ZNF704: variants seen among roughly 807,000 people sequenced by gnomAD.
ZNF704 encodes glucocorticoid induced gene 1.
In ZNF704, 10 loss-of-function variants were observed where a neutral mutation model predicts 44.7. The observed-to-expected ratio is 0.22, with a 90% CI of 0.14 to 0.38. The LOEUF (loss-of-function observed/expected upper bound fraction) is 0.38, where lower values mean the gene tolerates loss of function less well. Among genes scored for constraint, ZNF704 ranks in the 10% least tolerant of loss-of-function variants. ZNF704 has a pLI of 1.00. For missense variants in ZNF704, 390 were observed against 545.5 expected (o/e 0.71, Z 2.84); for synonymous variants, 211 against 207.6 (o/e 1.02, Z -0.14).
intron 1 of ZNF704, among the ~76,000 whole-genome samples, chr8:80,855,462 G>A (rs559068134): frequency 5.8e-4 from 89 of 152,222 alleles, no homozygotes; most frequent in Non-Finnish European, 1.1e-3. Context: ...AAAAGAATGA[G>A]ATCCTGTTTC....
chr8:80,870,904 A>G (rs1809240782), intron 1 of ZNF704, among the ~76,000 whole-genome samples: 1 of 152,188 alleles, frequency 6.6e-6, no homozygotes, highest in African/African-American at 2.4e-5. Context: ...TCACATGCAC[A>G]AAACAGAAAA....
At chr8:80,680,933 T>A (rs1818443125) in intron 4 of ZNF704, among the ~76,000 whole-genome samples, 1 of 152,202 alleles carries the variant, frequency 6.6e-6, no homozygotes, top group African/African-American at 2.4e-5. Flanking sequence ...GTATACAAAA[T>A]TAACAAAACA....
chr8:80,764,162 A>G (rs1398792465), intron 2 of ZNF704, among the ~76,000 whole-genome samples: 1 of 152,118 alleles, frequency 6.6e-6, no homozygotes, highest in Non-Finnish European at 1.5e-5. Flanking sequence ...TAGTGGCAGT[A>G]CCCCACTCTC....
chr8:80,842,393 T>C (rs1458702542), intron 1 of ZNF704, among the ~76,000 whole-genome samples: 2 of 152,238 alleles, frequency 1.3e-5, no homozygotes, highest in Non-Finnish European at 2.9e-5. Context: ...TGAGAATTAG[T>C]CTGCAAGACT....
At chr8:80,707,235 T>C (rs964790141) in intron 2 of ZNF704, among the ~76,000 whole-genome samples, 5 of 152,238 alleles carry the variant, frequency 3.3e-5, no homozygotes, top group African/African-American at 1.2e-4. Context: ...TTGTTTTTAA[T>C]TTAAGACAAA....
intron 2 of ZNF704, among the ~76,000 whole-genome samples, chr8:80,740,700 C>T (rs185910503): frequency 5.3e-4 from 81 of 152,324 alleles, no homozygotes; most frequent in African/African-American, 1.8e-3. Context: ...CCTTTTTCTG[C>T]ATCCCTGTAC....
chr8:80,840,320 T>C (rs1808656080), intron 1 of ZNF704, among the ~76,000 whole-genome samples: 1 of 152,168 alleles, frequency 6.6e-6, no homozygotes, highest in African/African-American at 2.4e-5. Flanking sequence ...CGTGTGTGTG[T>C]GTGTGCGCGT....
chr8:80,806,757 A>G (rs1045973795), intron 2 of ZNF704, among the ~76,000 whole-genome samples: 5 of 152,194 alleles, frequency 3.3e-5, no homozygotes, highest in Non-Finnish European at 7.4e-5. Context: ...AAATGCAGGG[A>G]ATTCTGCCTG....
chr8:80,665,145 G>A, intron 5 of ZNF704, 63 bp from the exon 6 acceptor site: 1 of 1,559,708 alleles, frequency 6.4e-7, no homozygotes, highest in Non-Finnish European at 8.8e-7. Flanking sequence ...TTGAAATCTT[G>A]CACATGCATT....
chr8:80,796,048 C>G (rs985184572), intron 2 of ZNF704, among the ~76,000 whole-genome samples: 2 of 152,198 alleles, frequency 1.3e-5, no homozygotes, highest in African/African-American at 4.8e-5. Context: ...CTTGGAAAAA[C>G]TGACCTTTAG....
At chr8:80,687,153 A>T in intron 4 of ZNF704, 73 bp downstream of exon 4, 1 of 1,333,466 alleles carries the variant, frequency 7.5e-7, no homozygotes, top group Non-Finnish European at 1.1e-6. Flanking sequence ...TTAAGCTCAC[A>T]CCGGCCCTTC....
intron 7 of ZNF704, among the ~76,000 whole-genome samples, chr8:80,652,842 A>T (rs1357332795): frequency 6.6e-6 from 1 of 152,226 alleles, no homozygotes; most frequent in Non-Finnish European, 1.5e-5. Context: ...TCCTGATACC[A>T]AAGCCTGGCA....
intron 2 of ZNF704, among the ~76,000 whole-genome samples, chr8:80,759,479 C>G: frequency 1.3e-5 from 2 of 152,048 alleles, no homozygotes; most frequent in Non-Finnish European, 2.9e-5. Context: ...TTGTTTGTAA[C>G]CAAGAGAATA....
intron 2 of ZNF704, among the ~76,000 whole-genome samples, chr8:80,748,680 C>G (rs746498065): frequency 5.9e-5 from 9 of 151,826 alleles, no homozygotes; most frequent in Non-Finnish European, 1.3e-4. Context: ...GTGGGACGAA[C>G]CCAAGGAAAA....
chr8:80,714,907 T>C (rs1379305062), intron 2 of ZNF704, among the ~76,000 whole-genome samples: 1 of 152,152 alleles, frequency 6.6e-6, no homozygotes, highest in African/African-American at 2.4e-5. Context: ...CCATTTTGCC[T>C]CCATGCATAC....
chr8:80,792,020 A>C (rs748068673), intron 2 of ZNF704, among the ~76,000 whole-genome samples: 4 of 152,204 alleles, frequency 2.6e-5, no homozygotes, highest in Non-Finnish European at 4.4e-5. Context: ...AGAAAGAAAA[A>C]TAGAAGACCA....
At chr8:80,687,614 C>T (rs1182076325) in intron 3 of ZNF704, among the ~76,000 whole-genome samples, 156 bp from the exon 4 acceptor site, 1 of 152,172 alleles carries the variant, frequency 6.6e-6, no homozygotes, top group Non-Finnish European at 1.5e-5. Context: ...TCTATTTATA[C>T]GCCCCCTCCC....
intron 2 of ZNF704, among the ~76,000 whole-genome samples, chr8:80,777,628 C>T (rs886474932): frequency 1.3e-5 from 2 of 152,058 alleles, no homozygotes; most frequent in Non-Finnish European, 2.9e-5. Context: ...CCTGTAATCC[C>T]AGTACTTTGG....
intron 1 of ZNF704, among the ~76,000 whole-genome samples, chr8:80,861,095 T>C (rs565784947): frequency 2.0e-5 from 3 of 152,230 alleles, no homozygotes; most frequent in Non-Finnish European, 2.9e-5. Flanking sequence ...GACTGTCTAG[T>C]AGCATGCAGA....
Sources: gnomAD v4.1 joint callset for allele counts (sites outside exome capture counted in the v4.1 genomes callset) on GRCh38, gnomAD v4.1.1 for gene constraint, MANE v1.5 for transcripts, NCBI Gene and HGNC (gene_info 2026-07-23, HGNC 2026-07-21) for gene names.